Variants in RGPD4 observed in about 807,000 individuals in gnomAD.
RGPD4 encodes the protein ranBP2-like and GRIP domain-containing protein 4.
Under a neutral mutation model 141.1 loss-of-function variants are expected in RGPD4, and 84 were observed. That is an observed-to-expected ratio of 0.60 (90% CI 0.50 to 0.71). The LOEUF is 0.71. Among genes scored for constraint, RGPD4 ranks in the 30% least tolerant of loss-of-function variants. The pLI is 0.00. For missense variants in RGPD4, 918 were observed against 1,622.4 expected (o/e 0.57, Z 7.46); for synonymous variants, 298 against 566.8 (o/e 0.53, Z 6.74).
chr2:107,827,043 G>C lies in RGPD4; in HGVS notation c.30G>C (p.Arg10=), dbSNP rs1424529076. ...GTTGCAGCAAGGCCTACGGGGAGCG[G>C]TACGTCGCCTCCGTGCAGGGCTCCG... MSCSKAYGE[R]YVASVQGSAP... The change falls in exon 1 of 23, where the codon CGG becomes CGC. Residue 10 remains arginine, a synonymous_variant. Coordinates refer to ENST00000408999, the MANE Select transcript of RGPD4 (RefSeq NM_182588.3). The C allele has an allele frequency of 6.3e-7, 1 of 1,599,088 alleles. No individual in the cohort carries two copies. The highest frequency in any genetic ancestry group is 8.5e-7 in the Non-Finnish European group (1 of 1,174,250).
intron 20 of RGPD4, among the ~76,000 whole-genome samples, chr2:107,874,866 G>C (rs1194196953): frequency 6.6e-6 from 1 of 151,490 alleles, no homozygotes; most frequent in African/African-American, 2.4e-5. Flanking sequence ...ACGGTGTACT[G>C]TTATTTCTCC....
At chr2:107,886,718 C>T (rs1216081979) in intron 22 of RGPD4, among the ~76,000 whole-genome samples, 1 of 152,012 alleles carries the variant, frequency 6.6e-6, no homozygotes, top group Non-Finnish European at 1.5e-5. Flanking sequence ...ACACTGCATA[C>T]ATGAGGGATG....
intron 9 of RGPD4, among the ~76,000 whole-genome samples, chr2:107,857,695 A>G (rs1382977396): frequency 6.6e-6 from 1 of 151,710 alleles, no homozygotes; most frequent in Non-Finnish European, 1.5e-5. Flanking sequence ...TAAGCCCCCC[A>G]AAGTGTTGGG....
chr2:107,847,864 G>T, intron 6 of RGPD4, among the ~76,000 whole-genome samples: 1 of 116,720 alleles, frequency 8.6e-6, no homozygotes, highest in African/African-American at 3.4e-5. Flanking sequence ...ATTTAATGCT[G>T]TAATGATCTA....
At chr2:107,830,842 T>C (rs538500357) in intron 1 of RGPD4, among the ~76,000 whole-genome samples, 2 of 152,040 alleles carry the variant, frequency 1.3e-5, no homozygotes, top group Non-Finnish European at 2.9e-5. Flanking sequence ...CTGTATATCA[T>C]ATCTTTCTAG....
At chr2:107,829,288 G>A (rs1456262936) in intron 1 of RGPD4, among the ~76,000 whole-genome samples, 1 of 39,144 alleles carries the variant, frequency 2.6e-5, no homozygotes, top group African/African-American at 1.0e-4. Context: ...GCCCGGCGGC[G>A]GCCTGGATGG....
Position 107,883,249 on chromosome 2 carries a change from A to C in RGPD4, c.5266+376A>C, listed in dbSNP as rs528470073. The C allele has an allele frequency of 6.9e-6, 3 of 435,046 alleles. No individual in the cohort carries two copies. In the East Asian group the frequency reaches 2.0e-4, roughly 29 times the overall value. 26.9% of individuals were successfully genotyped at this position (435,046 alleles called of 1,614,324 possible). On this transcript the variant is annotated intron_variant, in intron 22 of 22. Transcript: ENST00000408999. ...TACTTCACCCCTCTTCCTTCCTCCA[A>C]CCCCAAATAGCCTAAGACAATGGAG...
chr2:107,833,163 T>C, intron 1 of RGPD4, among the ~76,000 whole-genome samples: 1 of 150,026 alleles, frequency 6.7e-6, no homozygotes, highest in Non-Finnish European at 1.5e-5. Context: ...AGCAGCTTTT[T>C]TGGAGGATTT....
rs553610162 is a variant in RGPD4 at position 107,838,810 on chromosome 2, A to C, written c.253-2A>C. The C allele has an allele frequency of 6.1e-5, 61 of 1,003,498 alleles. 9 individuals are homozygous for C. In the East Asian group the frequency reaches 1.5e-3, roughly 25 times the overall value. The allele number at this position is 1,003,498 out of a possible 1,614,324, so 62.2% of individuals were successfully genotyped here. A position where few individuals can be genotyped will look rare whatever the true frequency, so the allele number is the denominator to read the frequency against. ...AATCTTTAATTTCTTTTCTGATATT[A>C]GCGTTCAGTGGAATTAAACCCAACA... On this transcript the variant is annotated splice_acceptor_variant, in intron 3 of 22. Transcript: ENST00000408999. LOFTEE classifies it high-confidence loss of function.
rs1675460138 is a variant in RGPD4 at position 107,884,586 on chromosome 2, A to T, written c.5266+1713A>T. 2.0e-5 allele frequency among the ~76,000 whole-genome samples: 3 copies of T among 146,720 alleles called. No homozygotes were observed. The Admixed American group carries it at 2.1e-4, about 10-fold the overall frequency. On this transcript the variant is annotated intron_variant, in intron 22 of 22. Transcript: ENST00000408999. ...GAAGATCCAGGTGCAATTAGGTGGG[A>T]TGGTGGACAAAAATACATCATAGAT...
chr2:107,829,848 C>A (rs995481203), intron 1 of RGPD4, among the ~76,000 whole-genome samples: 3 of 152,040 alleles, frequency 2.0e-5, no homozygotes, highest in African/African-American at 7.3e-5. Context: ...CTTAGGCACC[C>A]GGGTGCTGTA....
intron 22 of RGPD4, among the ~76,000 whole-genome samples, chr2:107,886,673 G>C (rs578075615): frequency 4.6e-5 from 7 of 152,040 alleles, no homozygotes; most frequent in African/African-American, 1.7e-4. Context: ...CACTAGGGGG[G>C]CATTTTGTTA....
intron 17 of RGPD4, among the ~76,000 whole-genome samples, 165 bp from the exon 18 acceptor site, chr2:107,866,025 G>A (rs1682717519): frequency 1.2e-5 from 1 of 81,898 alleles, no homozygotes; most frequent in Non-Finnish European, 2.7e-5. Context: ...AGCCAAGATT[G>A]TGCCATTGCA....
chr2:107,845,702 T>C (rs1681904745), intron 6 of RGPD4, among the ~76,000 whole-genome samples: 2 of 152,258 alleles, frequency 1.3e-5, no homozygotes, highest in Admixed American at 1.3e-4. Context: ...TAGCTGGGAC[T>C]ACAGGCGCCC....
chr2:107,883,304 A>G, intron 22 of RGPD4: 1 of 351,618 alleles, frequency 2.8e-6, no homozygotes, highest in Non-Finnish European at 5.6e-6. Flanking sequence ...GTCTATATAC[A>G]GCAGTCCACT....
intron 22 of RGPD4, among the ~76,000 whole-genome samples, chr2:107,884,109 T>G (rs895942537): frequency 1.3e-4 from 19 of 151,712 alleles, no homozygotes; most frequent in Admixed American, 1.2e-3. Context: ...TTTATTTTGT[T>G]GTTGTGTTTT....
chr2:107,845,057 T>C (rs1028257746), intron 6 of RGPD4, among the ~76,000 whole-genome samples: 2 of 146,578 alleles, frequency 1.4e-5, no homozygotes, highest in African/African-American at 2.6e-5. Flanking sequence ...TCTCTTTTTT[T>C]TTTTGAGACT....
At chr2:107,847,886 G>A (rs1482066319) in intron 6 of RGPD4, among the ~76,000 whole-genome samples, 1 of 107,906 alleles carries the variant, frequency 9.3e-6, no homozygotes, top group African/African-American at 3.8e-5. Flanking sequence ...ATAGTAAAAA[G>A]AGCAATTACT....
chr2:107,885,200 T>TA (rs1006215872), intron 22 of RGPD4, among the ~76,000 whole-genome samples: 3 of 151,982 alleles, frequency 2.0e-5, no homozygotes, highest in African/African-American at 7.2e-5. Context: ...TTTATAGTTA[T>TA]AAAAAAGAAG....
Sources: allele counts gnomAD v4.1 joint callset (sites outside exome capture counted in the v4.1 genomes callset), GRCh38; gene constraint gnomAD v4.1.1; transcripts MANE v1.5; gene names NCBI Gene and HGNC (gene_info 2026-07-23, HGNC 2026-07-21).